DENND1A: variants seen among roughly 807,000 people sequenced by gnomAD.
DENND1A encodes the protein DENN domain-containing protein 1A.
A neutral mutation model predicts 113.7 loss-of-function variants in DENND1A; 51 were observed. That is an observed-to-expected ratio of 0.45 (90% CI 0.36 to 0.57). The LOEUF is 0.57. Ranked by LOEUF, DENND1A falls within the 20% of genes least tolerant of loss-of-function variation. DENND1A has a pLI of 0.00. For synonymous variants in DENND1A, 565 were observed against 570.8 expected, an observed-to-expected ratio of 0.99 and a Z score of 0.14; for missense variants, 1,258 against 1,395.9, an observed-to-expected ratio of 0.90 and a Z score of 1.57.
At chr9:123,640,568 A>C (rs533194293) in intron 9 of DENND1A, among the ~76,000 whole-genome samples, 6 of 152,318 alleles carry the variant, frequency 3.9e-5, no homozygotes, top group Admixed American at 6.5e-5. Context: ...CGACGATCCT[A>C]ATATTCAGAA....
chr9:123,721,434 C>A (rs931423715), intron 5 of DENND1A, among the ~76,000 whole-genome samples: 7 of 152,226 alleles, frequency 4.6e-5, no homozygotes, highest in African/African-American at 1.7e-4. Flanking sequence ...TCCTGTCCCA[C>A]CTCCCCATCC....
chr9:123,577,192 A>G (rs962604619), intron 12 of DENND1A, among the ~76,000 whole-genome samples: 2 of 151,968 alleles, frequency 1.3e-5, no homozygotes, highest in Non-Finnish European at 1.5e-5. Context: ...TCTTGGCTTC[A>G]TATTGAGGAG....
chr9:123,417,500 T>C (rs2044835400), intron 19 of DENND1A, among the ~76,000 whole-genome samples: 1 of 152,222 alleles, frequency 6.6e-6, no homozygotes, highest in Non-Finnish European at 1.5e-5. Context: ...GGGACTAGTA[T>C]GAGGTCACAC....
intron 7 of DENND1A, among the ~76,000 whole-genome samples, chr9:123,670,461 C>T (rs755185511): frequency 1.1e-4 from 16 of 152,178 alleles, no homozygotes; most frequent in Non-Finnish European, 2.9e-5. Context: ...TCTTCTGATG[C>T]CTTATCTGAC....
chr9:123,862,227 G>A (rs1219574398), intron 2 of DENND1A, among the ~76,000 whole-genome samples: 3 of 152,048 alleles, frequency 2.0e-5, no homozygotes, highest in African/African-American at 7.3e-5. Flanking sequence ...TTCAATGATG[G>A]TCCCTAGTCA....
At chr9:123,523,354 G>A (rs934961978) in intron 13 of DENND1A, among the ~76,000 whole-genome samples, 6 of 152,250 alleles carry the variant, frequency 3.9e-5, no homozygotes, top group South Asian at 4.2e-4. Flanking sequence ...CGTGCGAGGC[G>A]GTAACTCTTA....
chr9:123,722,948 C>A (rs2067444417), intron 5 of DENND1A, among the ~76,000 whole-genome samples: 2 of 152,188 alleles, frequency 1.3e-5, no homozygotes, highest in South Asian at 2.1e-4. Flanking sequence ...CCCAGAATGG[C>A]AGATCCACTG....
intron 12 of DENND1A, among the ~76,000 whole-genome samples, chr9:123,561,153 G>A (rs898599974): frequency 3.3e-5 from 5 of 152,176 alleles, no homozygotes; most frequent in East Asian, 1.9e-4. Flanking sequence ...CACCTGTGCC[G>A]CAGATTATTC....
At chr9:123,782,886 A>G (rs1467283440) in intron 3 of DENND1A, among the ~76,000 whole-genome samples, 1 of 146,844 alleles carries the variant, frequency 6.8e-6, no homozygotes, top group East Asian at 2.0e-4. Context: ...TCACATACAC[A>G]TACATACATA....
intron 5 of DENND1A, among the ~76,000 whole-genome samples, chr9:123,717,322 GCCATGC>G (rs1452431470): frequency 6.6e-6 from 1 of 152,130 alleles, no homozygotes; most frequent in Non-Finnish European, 1.5e-5. Flanking sequence ...TATACCATGG[GCCATGC>G]CTTAACTAGG....
intron 10 of DENND1A, among the ~76,000 whole-genome samples, chr9:123,625,934 C>T (rs767396411): frequency 1.3e-5 from 2 of 152,164 alleles, no homozygotes; most frequent in Non-Finnish European, 2.9e-5. Context: ...TTCTGTCACC[C>T]AGACTGGAGG....
At chr9:123,585,393 A>G (rs576433650) in intron 11 of DENND1A, among the ~76,000 whole-genome samples, 12 of 152,388 alleles carry the variant, frequency 7.9e-5, no homozygotes, top group African/African-American at 2.9e-4. Flanking sequence ...GTATTAGGTT[A>G]GTGCAAAAGT....
chr9:123,742,030 T>A lies in DENND1A; in HGVS notation c.302+15673A>T, dbSNP rs2069070861. Among the ~76,000 whole-genome samples, 3 of 152,196 alleles carry A rather than the reference T, an allele frequency of 2.0e-5. No homozygotes were observed. In the South Asian group the frequency reaches 6.2e-4, roughly 32 times the overall value. Reference sequence around the variant, plus strand: ...AGCGTTGCTCTCAGAGCGAAGGGTATCACCATGCTCTAGAGTTCAGTCTCC... The same window carrying A: ...AGCGTTGCTCTCAGAGCGAAGGGTAACACCATGCTCTAGAGTTCAGTCTCC... On this transcript the variant is annotated intron_variant, in intron 5 of 23. Coordinates refer to ENST00000394215, the MANE Select transcript of DENND1A (RefSeq NM_001352964.2).
chr9:123,537,701 T>C (rs924822177), intron 13 of DENND1A, among the ~76,000 whole-genome samples: 8 of 150,620 alleles, frequency 5.3e-5, no homozygotes, highest in Admixed American at 2.0e-4. Flanking sequence ...ATTAACAAAA[T>C]AAAATTGAGA....
At chr9:123,451,165 G>A (rs17211882) in intron 17 of DENND1A, among the ~76,000 whole-genome samples, 1,947 of 152,248 alleles carry the variant, frequency 0.013, 24 homozygotes, top group South Asian at 0.031. Flanking sequence ...CTGAATGGCC[G>A]GAACAGACAC....
At chr9:123,711,113 T>G (rs1254502939) in intron 5 of DENND1A, among the ~76,000 whole-genome samples, 1 of 152,132 alleles carries the variant, frequency 6.6e-6, no homozygotes, top group Non-Finnish European at 1.5e-5. Flanking sequence ...CTACAATATA[T>G]ACATGTATCA....
chr9:123,551,773 C>G (rs2057059342), intron 13 of DENND1A, among the ~76,000 whole-genome samples: 1 of 152,170 alleles, frequency 6.6e-6, no homozygotes, highest in Admixed American at 6.5e-5. Context: ...CACCAGGGAG[C>G]CAACACTGGC....
chr9:123,521,587 G>T (rs2054398626), intron 13 of DENND1A, among the ~76,000 whole-genome samples: 1 of 152,174 alleles, frequency 6.6e-6, no homozygotes, highest in African/African-American at 2.4e-5. Flanking sequence ...ATTCCTTAAA[G>T]AAGGGCCTTC....
intron 13 of DENND1A, among the ~76,000 whole-genome samples, chr9:123,474,998 A>T (rs1232801444): frequency 1.3e-5 from 2 of 151,964 alleles, no homozygotes; most frequent in Admixed American, 6.6e-5. Context: ...CTACTTTGTC[A>T]CACCGCTGTG....
Sources: allele counts gnomAD v4.1 joint callset (sites outside exome capture counted in the v4.1 genomes callset), GRCh38; gene constraint gnomAD v4.1.1; transcripts MANE v1.5; gene names NCBI Gene and HGNC (gene_info 2026-07-23, HGNC 2026-07-21).